NCK2: variants seen among roughly 807,000 people sequenced by gnomAD.
NCK2 encodes NCK adaptor protein 2, also known as cytoplasmic protein NCK2.
A neutral mutation model predicts 33.9 loss-of-function variants in NCK2; 16 were observed. The observed-to-expected ratio is 0.47, with a 90% CI of 0.32 to 0.72. NCK2 has a LOEUF of 0.72. Ranked by LOEUF, NCK2 falls within the 30% of genes least tolerant of loss-of-function variation. The pLI, the probability that NCK2 is intolerant of heterozygous loss-of-function variation, is 0.03. For missense variants in NCK2, 418 were observed against 537.3 expected (o/e 0.78, Z 2.19); for synonymous variants, 273 against 239.9 (o/e 1.14, Z -1.27).
At chr2:105,759,479 T>G (rs111964256) in intron 1 of NCK2, among the ~76,000 whole-genome samples, 2 of 50,686 alleles carry the variant, frequency 3.9e-5, no homozygotes, top group African/African-American at 1.4e-4. Context: ...TAATAAAACA[T>G]ATGGTATATA....
At chr2:105,779,691 G>C (rs994705356) in intron 1 of NCK2, among the ~76,000 whole-genome samples, 1 of 152,032 alleles carries the variant, frequency 6.6e-6, no homozygotes, top group African/African-American at 2.4e-5. Context: ...AAAGAGCTTT[G>C]ATTTTTTTTT....
chr2:105,787,473 A>AT (rs1371841452), intron 1 of NCK2, among the ~76,000 whole-genome samples: 1 of 152,168 alleles, frequency 6.6e-6, no homozygotes, highest in African/African-American at 2.4e-5. Context: ...ACCTGAGGAC[A>AT]TAGCGAGAAG....
At chr2:105,772,933 C>T (rs1189082937) in intron 1 of NCK2, among the ~76,000 whole-genome samples, 2 of 147,492 alleles carry the variant, frequency 1.4e-5, no homozygotes, top group Admixed American at 6.9e-5. Context: ...CCTTTGTTGC[C>T]CAGGCTGGAG....
At chr2:105,755,065 T>C (rs1384386784) in intron 1 of NCK2, among the ~76,000 whole-genome samples, 1 of 152,196 alleles carries the variant, frequency 6.6e-6, no homozygotes, top group Non-Finnish European at 1.5e-5. Context: ...CTGTCTTTGT[T>C]ACTGCCCTCA....
rs759068326 is a variant in NCK2, at chr2:105,893,215, G to A, written c.*39G>A. ...CCACACTCGCCTCCCGGGCCCCACG[G>A]TGGAGCTGCCCGCCCGGCCTTGTGG... is the stretch of plus-strand genomic sequence containing the variant. On this transcript the variant is annotated 3_prime_UTR_variant, in exon 5 of 5. Coordinates refer to ENST00000233154, the MANE Select transcript of NCK2 (RefSeq NM_003581.5). The A allele has an allele frequency of 3.9e-6, 6 of 1,531,130 alleles. No homozygotes were observed. The South Asian group carries it at 7.3e-5, about 19-fold the overall frequency. The allele number at this position is 1,531,130 out of a possible 1,614,324, so 94.8% of individuals were successfully genotyped here.
At chr2:105,882,276 T>G (rs1175446882) in intron 4 of NCK2, among the ~76,000 whole-genome samples, 2 of 152,208 alleles carry the variant, frequency 1.3e-5, no homozygotes, top group Non-Finnish European at 2.9e-5. Flanking sequence ...AAAGATGTTT[T>G]TAGCTCACAG....
intron 1 of NCK2, among the ~76,000 whole-genome samples, chr2:105,762,188 C>G (rs1689785847): frequency 6.6e-6 from 1 of 152,122 alleles, no homozygotes; most frequent in Non-Finnish European, 1.5e-5. Context: ...AGTTTCTGTG[C>G]GTAAGAGTGG....
chr2:105,826,490 A>C (rs1386547557), intron 2 of NCK2, among the ~76,000 whole-genome samples: 1 of 152,186 alleles, frequency 6.6e-6, no homozygotes, highest in African/African-American at 2.4e-5. Flanking sequence ...GATTGTGACT[A>C]TCTCAGGAAT....
intron 1 of NCK2, among the ~76,000 whole-genome samples, chr2:105,776,780 G>A (rs191408733): frequency 2.2e-4 from 34 of 152,142 alleles, no homozygotes; most frequent in African/African-American, 7.7e-4. Flanking sequence ...CGGACCACAC[G>A]TGACTATTCG....
At chr2:105,840,984 A>T (rs1676623583) in intron 2 of NCK2, among the ~76,000 whole-genome samples, 1 of 152,224 alleles carries the variant, frequency 6.6e-6, no homozygotes, top group Non-Finnish European at 1.5e-5. Context: ...ACAAGGACAG[A>T]CCAGTTGTAA....
chr2:105,879,913 T>A (rs1207918264), intron 3 of NCK2, among the ~76,000 whole-genome samples: 1 of 152,218 alleles, frequency 6.6e-6, no homozygotes, highest in East Asian at 1.9e-4. Context: ...TACAAATGAC[T>A]AAACCTCCAC....
chr2:105,796,553 C>T (rs1181099038), intron 1 of NCK2, among the ~76,000 whole-genome samples: 4 of 152,136 alleles, frequency 2.6e-5, no homozygotes, highest in South Asian at 2.1e-4. Context: ...TGGCACAGAA[C>T]GCAGGTGTTC....
intron 2 of NCK2, among the ~76,000 whole-genome samples, chr2:105,845,107 A>G (rs1676805374): frequency 6.6e-6 from 1 of 152,126 alleles, no homozygotes; most frequent in Admixed American, 6.5e-5. Context: ...TCCCACTTCA[A>G]TAGGAAAATC....
intron 2 of NCK2, among the ~76,000 whole-genome samples, chr2:105,832,085 G>A (rs757409053): frequency 6.6e-6 from 1 of 151,842 alleles, no homozygotes; most frequent in Non-Finnish European, 1.5e-5. Context: ...TCACTTTCTT[G>A]GTTAAATTTG....
At chr2:105,783,023 A>G (rs372544766) in intron 1 of NCK2, among the ~76,000 whole-genome samples, 22 of 152,306 alleles carry the variant, frequency 1.4e-4, no homozygotes, top group African/African-American at 5.3e-4. Context: ...GGTAAGCCTT[A>G]AGGCCAGAGC....
chr2:105,749,623 A>G (rs1001121918), intron 1 of NCK2, among the ~76,000 whole-genome samples: 1 of 152,140 alleles, frequency 6.6e-6, no homozygotes, highest in Non-Finnish European at 1.5e-5. Flanking sequence ...GGCAGTTTAC[A>G]GAACACAGTG....
chr2:105,891,774 T>G (rs1157732081), intron 4 of NCK2, among the ~76,000 whole-genome samples: 1 of 152,098 alleles, frequency 6.6e-6, no homozygotes, highest in Non-Finnish European at 1.5e-5. Flanking sequence ...CTCAAAGTCC[T>G]GACCACAGGT....
chr2:105,825,579 TG>T (rs1675906932), intron 2 of NCK2, among the ~76,000 whole-genome samples: 1 of 152,208 alleles, frequency 6.6e-6, no homozygotes, highest in Non-Finnish European at 1.5e-5. Context: ...TGGGGGATGG[TG>T]GGTTCCTGAA....
chr2:105,880,492 G>T (rs1322073780), intron 3 of NCK2, among the ~76,000 whole-genome samples: 3 of 152,136 alleles, frequency 2.0e-5, no homozygotes, highest in African/African-American at 4.8e-5. Flanking sequence ...GCTGCCCAGG[G>T]GTGAGGGTGG....
Sources: allele counts gnomAD v4.1 joint callset (sites outside exome capture counted in the v4.1 genomes callset), GRCh38; gene constraint gnomAD v4.1.1; transcripts MANE v1.5; gene names NCBI Gene and HGNC (gene_info 2026-07-23, HGNC 2026-07-21).